The following C12orf42 variants were observed in gnomAD, a reference collection of about 807,000 sequenced individuals.
The protein encoded by C12orf42 is uncharacterized protein C12orf42.
A neutral mutation model predicts 21.6 loss-of-function variants in C12orf42; 25 were observed. The ratio of observed to expected loss-of-function variants is 1.16; its 90% CI spans 0.84 to 1.62. The LOEUF (loss-of-function observed/expected upper bound fraction) is 1.62. Ranked by LOEUF, C12orf42 falls within the 40% of genes most tolerant of loss-of-function variation. The pLI, the probability that C12orf42 is intolerant of heterozygous loss-of-function variation, is 0.00. For missense variants in C12orf42, 483 were observed against 459.3 expected (o/e 1.05, Z -0.47); for synonymous variants, 174 against 175.0 (o/e 0.99, Z 0.05).
intron 2 of C12orf42, among the ~76,000 whole-genome samples, chr12:103,403,463 G>A (rs2048188491): frequency 1.3e-5 from 2 of 152,062 alleles, no homozygotes; most frequent in South Asian, 4.1e-4. Flanking sequence ...GAGCCAGAAG[G>A]AATTCTAAAT....
the C12orf42 span, among the ~76,000 whole-genome samples, chr12:103,122,160 C>CAGTA: frequency 6.6e-6 from 1 of 152,200 alleles, no homozygotes. Flanking sequence ...GGCAATGAGT[C>CAGTA]AGTAGGGTGC....
the C12orf42 span, among the ~76,000 whole-genome samples, chr12:103,527,644 G>A: frequency 3.9e-5 from 6 of 152,194 alleles, no homozygotes; most frequent in African/African-American, 1.4e-4. Flanking sequence ...CAAACACATA[G>A]CTATGCAGAT....
chr12:103,110,658 C>T, the C12orf42 span, among the ~76,000 whole-genome samples: 9 of 152,020 alleles, frequency 5.9e-5, no homozygotes, highest in African/African-American at 1.9e-4. Flanking sequence ...CTGGCTAATG[C>T]AAATACTGAA....
the C12orf42 span, among the ~76,000 whole-genome samples, chr12:103,506,905 T>TAA: frequency 2.6e-5 from 1 of 38,756 alleles, no homozygotes; most frequent in African/African-American, 1.9e-4. Flanking sequence ...TATTTATATA[T>TAA]TATATATATA....
At chr12:103,294,604 G>T (rs1251627467) in intron 4 of C12orf42, among the ~76,000 whole-genome samples, 3 of 125,034 alleles carry the variant, frequency 2.4e-5, no homozygotes. Context: ...AAGAAAGAAA[G>T]AAAGAAAGAA....
intron 2 of C12orf42, among the ~76,000 whole-genome samples, chr12:103,461,855 C>T (rs10861019): frequency 6.6e-6 from 1 of 152,030 alleles, no homozygotes; most frequent in African/African-American, 2.4e-5. Context: ...CCAGGGTTAT[C>T]TTAAGGATCT....
the C12orf42 span, among the ~76,000 whole-genome samples, chr12:103,146,564 G>T: frequency 1.0e-5 from 1 of 96,234 alleles, no homozygotes; most frequent in African/African-American, 5.0e-5. Context: ...AGAAAGAAAA[G>T]AAAGAAAGAA....
chr12:103,167,266 G>A, the C12orf42 span, among the ~76,000 whole-genome samples: 13 of 152,164 alleles, frequency 8.5e-5, no homozygotes, highest in African/African-American at 3.1e-4. Context: ...AGAGAACCAA[G>A]TCTGGCAGGA....
At chr12:103,364,510 T>C (rs1172303224) in intron 4 of C12orf42, among the ~76,000 whole-genome samples, 1 of 151,420 alleles carries the variant, frequency 6.6e-6, no homozygotes, top group African/African-American at 2.4e-5. Context: ...CTAAATGAAA[T>C]TGAAACAAAA....
intron 2 of C12orf42, among the ~76,000 whole-genome samples, chr12:103,415,039 C>T (rs1328718300): frequency 6.6e-6 from 1 of 151,910 alleles, no homozygotes; most frequent in Non-Finnish European, 1.5e-5. Flanking sequence ...CATGTAACAA[C>T]ACCCGTGGGC....
intron 4 of C12orf42, among the ~76,000 whole-genome samples, chr12:103,349,579 TC>T (rs2137423983): frequency 6.6e-6 from 1 of 152,276 alleles, no homozygotes; most frequent in African/African-American, 2.4e-5. Flanking sequence ...ATTTTACTTT[TC>T]ATCTCTTTTT....
chr12:103,261,248 A>C (rs921943095), intron 10 of C12orf42, among the ~76,000 whole-genome samples: 1 of 152,038 alleles, frequency 6.6e-6, no homozygotes, highest in African/African-American at 2.4e-5. Flanking sequence ...AGGCAAGTGG[A>C]TCCCTTGAGT....
the C12orf42 span, among the ~76,000 whole-genome samples, chr12:103,205,587 C>T: frequency 2.6e-5 from 4 of 152,186 alleles, no homozygotes; most frequent in South Asian, 8.3e-4. Context: ...CACAGCAAAA[C>T]CATATTAGCC....
chr12:103,542,806 A>G, the C12orf42 span, among the ~76,000 whole-genome samples: 80 of 152,346 alleles, frequency 5.3e-4, no homozygotes, highest in African/African-American at 1.8e-3. Flanking sequence ...CTTTGATTCA[A>G]CCAATGGATC....
At chr12:103,152,337 C>T in the C12orf42 span, among the ~76,000 whole-genome samples, 1 of 152,130 alleles carries the variant, frequency 6.6e-6, no homozygotes, top group African/African-American at 2.4e-5. Context: ...ATTTGTTATG[C>T]AGCAGTAGAG....
the C12orf42 span, among the ~76,000 whole-genome samples, chr12:103,165,666 C>T: frequency 6.6e-6 from 1 of 152,190 alleles, no homozygotes; most frequent in Non-Finnish European, 1.5e-5. Context: ...GTATCAAGAG[C>T]TGTGGAAATA....
At chr12:103,486,165 G>A (rs910522140) in intron 1 of C12orf42, among the ~76,000 whole-genome samples, 1 of 152,182 alleles carries the variant, frequency 6.6e-6, no homozygotes, top group Non-Finnish European at 1.5e-5. Context: ...CTAGTTTATT[G>A]AGAGTTTTTA....
chr12:103,137,377 G>C, the C12orf42 span, among the ~76,000 whole-genome samples: 3 of 150,496 alleles, frequency 2.0e-5, no homozygotes, highest in Admixed American at 6.6e-5. Flanking sequence ...AAAAACAGAC[G>C]CTGGCAAGGA....
chr12:103,260,617 C>A (rs375084699), intron 10 of C12orf42, among the ~76,000 whole-genome samples: 1 of 152,190 alleles, frequency 6.6e-6, no homozygotes, highest in Non-Finnish European at 1.5e-5. Flanking sequence ...GAATAAACCA[C>A]AAGAGCCCAA....
Sources: gnomAD v4.1 joint callset for allele counts (sites outside exome capture counted in the v4.1 genomes callset) on GRCh38, gnomAD v4.1.1 for gene constraint, MANE v1.5 for transcripts, NCBI Gene and HGNC (gene_info 2026-07-23, HGNC 2026-07-21) for gene names.